Variants in SGCG observed in about 807,000 individuals in gnomAD.
The protein encoded by SGCG is gamma-sarcoglycan.
A neutral mutation model predicts 29.3 loss-of-function variants in SGCG; 26 were observed. The observed-to-expected ratio is 0.89, with a 90% CI of 0.65 to 1.23. The LOEUF is 1.23. SGCG is among the 50% of genes most tolerant of loss of function. The probability of loss-of-function intolerance (pLI) is 0.00; values close to 1 mark genes in which losing one functional copy is unlikely to be tolerated. For synonymous variants in SGCG, 145 were observed against 129.7 expected (o/e 1.12, Z -0.80); for missense variants, 353 against 356.0 (o/e 0.99, Z 0.07).
chr13:23,196,870 A>C (rs1877533260), intron 1 of SGCG, among the ~76,000 whole-genome samples: 1 of 152,114 alleles, frequency 6.6e-6, no homozygotes, highest in South Asian at 2.1e-4. Flanking sequence ...GTGAGATGAG[A>C]TGTTTCTTGG....
At chr13:23,200,448 A>T (rs1454198656) in intron 1 of SGCG, among the ~76,000 whole-genome samples, 1 of 152,148 alleles carries the variant, frequency 6.6e-6, no homozygotes, top group East Asian at 1.9e-4. Context: ...AAACAAAAAA[A>T]CTGGGAATTT....
At position 23,324,365 on chromosome 13, in the gene SGCG, C is replaced by G; in HGVS notation, c.703-3C>G. ...TCTTCGTCTCTCATCTTCTCCCAAC[C>G]AGCTTGTGCTTGATGCTGAAACTGT... is the stretch of plus-strand genomic sequence containing the variant. On this transcript the variant is annotated splice_region_variant and splice_polypyrimidine_tract_variant and intron_variant, in intron 7 of 7. Transcript: ENST00000218867. 6.2e-7 allele frequency: 1 copy of G among 1,614,104 alleles called. No individual in the cohort carries two copies. The highest frequency in any genetic ancestry group is 8.5e-7 in the Non-Finnish European group (1 of 1,179,984).
In SGCG at chr13:23,284,080, G is replaced by A. The variant is rs147579451; in HGVS notation, c.505+4602G>A. 8.8e-3 allele frequency among the ~76,000 whole-genome samples: 1,335 copies of A among 152,182 alleles called. 22 individuals carry two copies. The highest frequency in any genetic ancestry group is 0.031 in the African/African-American group (1,291 of 41,506). On this transcript the variant is annotated intron_variant, in intron 5 of 7. Coordinates refer to ENST00000218867, the MANE Select transcript of SGCG (RefSeq NM_000231.3). ...ACCTTGGTGAATCTGACAATTATGT[G>A]TCTTGGGGTTGCTCTTCTTGAGGAG...
At chr13:23,287,968 T>C (rs1881560678) in intron 5 of SGCG, among the ~76,000 whole-genome samples, 1 of 152,160 alleles carries the variant, frequency 6.6e-6, no homozygotes, top group African/African-American at 2.4e-5. Flanking sequence ...TTAGCCAGGA[T>C]GGTCTTGATC....
chr13:23,300,628 C>A (rs1593099094), intron 6 of SGCG, among the ~76,000 whole-genome samples: 1 of 152,024 alleles, frequency 6.6e-6, no homozygotes. Context: ...TAGAAGCAAA[C>A]GCATACTACT....
At chr13:23,250,391 A>G (rs968539970) in intron 3 of SGCG, among the ~76,000 whole-genome samples, 15 of 152,142 alleles carry the variant, frequency 9.9e-5, no homozygotes, top group African/African-American at 3.6e-4. Context: ...TTCTATCCCT[A>G]TCTTGCGTTT....
chr13:23,183,379 A>G (rs530579474), intron 1 of SGCG, among the ~76,000 whole-genome samples: 1 of 152,232 alleles, frequency 6.6e-6, no homozygotes, highest in South Asian at 2.1e-4. Flanking sequence ...GTCCCCTAAG[A>G]AGGCGTACCA....
At chr13:23,230,997 G>C (rs995181674) in intron 2 of SGCG, among the ~76,000 whole-genome samples, 1 of 152,186 alleles carries the variant, frequency 6.6e-6, no homozygotes, top group African/African-American at 2.4e-5. Context: ...TAGCACGAAA[G>C]GGTGTTGAAT....
chr13:23,279,556 T>C, intron 5 of SGCG, 78 bp downstream of exon 5: 2 of 1,423,618 alleles, frequency 1.4e-6, no homozygotes, highest in South Asian at 2.4e-5. Flanking sequence ...TTGACAAGTT[T>C]ATGTGGAATC....
chr13:23,299,124 G>A (rs1882019358), intron 6 of SGCG, among the ~76,000 whole-genome samples: 2 of 151,950 alleles, frequency 1.3e-5, no homozygotes, highest in Admixed American at 6.6e-5. Flanking sequence ...ATAGTTCCAT[G>A]TTGTAAGTCA....
At chr13:23,220,954 A>G (rs1410515) in intron 2 of SGCG, among the ~76,000 whole-genome samples, 117,381 of 152,104 alleles carry the variant, frequency 0.77, 45,487 homozygotes, top group East Asian at 0.92. Context: ...AGCAACCAGG[A>G]TCACTGTAAC....
At chr13:23,298,841 A>C (rs1240278461) in intron 6 of SGCG, among the ~76,000 whole-genome samples, 1 of 152,324 alleles carries the variant, frequency 6.6e-6, no homozygotes, top group Admixed American at 6.5e-5. Context: ...TGAAAAAGAA[A>C]CGGCACAAGA....
intron 6 of SGCG, among the ~76,000 whole-genome samples, chr13:23,305,697 T>A (rs1296111604): frequency 6.6e-6 from 1 of 152,230 alleles, no homozygotes; most frequent in Non-Finnish European, 1.5e-5. Context: ...CTATTTTGTG[T>A]TGAATGGGTA....
chr13:23,314,115 A>G (rs529545620), intron 6 of SGCG, among the ~76,000 whole-genome samples: 2 of 151,232 alleles, frequency 1.3e-5, no homozygotes, highest in African/African-American at 4.8e-5. Context: ...CCCTTTATAT[A>G]TATCTATATC....
chr13:23,200,444 A>AC (rs1877697651), intron 1 of SGCG, among the ~76,000 whole-genome samples: 1 of 152,090 alleles, frequency 6.6e-6, no homozygotes, highest in Non-Finnish European at 1.5e-5. Context: ...AAACAAACAA[A>AC]AAAACTGGGA....
chr13:23,286,515 T>A (rs971385671), intron 5 of SGCG, among the ~76,000 whole-genome samples: 2 of 152,222 alleles, frequency 1.3e-5, no homozygotes, highest in African/African-American at 4.8e-5. Flanking sequence ...TTACAGTTGT[T>A]CCTCATTATC....
intron 2 of SGCG, 150 bp downstream of exon 2, chr13:23,204,039 C>T: frequency 1.5e-6 from 1 of 667,488 alleles, no homozygotes; most frequent in South Asian, 1.8e-5. Flanking sequence ...ATGTATGTAG[C>T]ATTTACGTTT....
intron 6 of SGCG, among the ~76,000 whole-genome samples, chr13:23,307,886 C>G (rs1440743366): frequency 6.6e-6 from 1 of 152,056 alleles, no homozygotes; most frequent in East Asian, 1.9e-4. Context: ...TTGCATAGTT[C>G]ATTATTAAAC....
chr13:23,286,872 T>C (rs939883002), intron 5 of SGCG, among the ~76,000 whole-genome samples: 1 of 152,220 alleles, frequency 6.6e-6, no homozygotes, highest in Non-Finnish European at 1.5e-5. Context: ...TTAACACTTA[T>C]GAATTGTTTA....
Sources: gnomAD v4.1 joint callset for allele counts (sites outside exome capture counted in the v4.1 genomes callset) on GRCh38, gnomAD v4.1.1 for gene constraint, MANE v1.5 for transcripts, NCBI Gene and HGNC (gene_info 2026-07-23, HGNC 2026-07-21) for gene names.